LRRC4C: variants seen among roughly 807,000 people sequenced by gnomAD.
LRRC4C encodes the protein leucine rich repeat containing 4C.
In LRRC4C, 5 loss-of-function variants were observed where a neutral mutation model predicts 33.6. The observed-to-expected ratio is 0.15, with a 90% CI of 0.08 to 0.31. The LOEUF (loss-of-function observed/expected upper bound fraction) is 0.31. LRRC4C is among the 10% of genes least tolerant of loss of function. The pLI, the probability that LRRC4C is intolerant of heterozygous loss-of-function variation, is 1.00. For synonymous variants in LRRC4C, 329 were observed against 302.0 expected, an observed-to-expected ratio of 1.09 and a Z score of -0.93; for missense variants, 560 against 796.7, an observed-to-expected ratio of 0.70 and a Z score of 3.58.
At chr11:40,190,198 C>T (rs570399991) in intron 5 of LRRC4C, among the ~76,000 whole-genome samples, 3 of 152,240 alleles carry the variant, frequency 2.0e-5, no homozygotes, top group African/African-American at 4.8e-5. Flanking sequence ...AATCTAGAGG[C>T]GAGTGAATTT....
intron 3 of LRRC4C, among the ~76,000 whole-genome samples, chr11:40,615,265 T>TATATAC (rs1490740198): frequency 8.6e-4 from 46 of 53,440 alleles, no homozygotes; most frequent in African/African-American, 1.7e-3. Context: ...TATATATATA[T>TATATAC]ACACACACAC....
chr11:40,964,820 A>G (rs11036161), intron 1 of LRRC4C, among the ~76,000 whole-genome samples: 2 of 151,012 alleles, frequency 1.3e-5, no homozygotes, highest in African/African-American at 4.9e-5. Context: ...GAATAGTGCC[A>G]CAATAAACAT....
intron 1 of LRRC4C, among the ~76,000 whole-genome samples, chr11:41,302,592 GAAAC>G (rs10611885): frequency 0.025 from 3,828 of 152,164 alleles, 166 homozygotes; most frequent in African/African-American, 0.087. Flanking sequence ...ATTAAAGAAA[GAAAC>G]AAAAATAACA....
intron 5 of LRRC4C, among the ~76,000 whole-genome samples, chr11:40,204,405 T>C (rs557388914): frequency 7.9e-5 from 12 of 152,190 alleles, no homozygotes; most frequent in African/African-American, 2.6e-4. Flanking sequence ...CTTATAGCAT[T>C]TACTTTAGAA....
intron 3 of LRRC4C, among the ~76,000 whole-genome samples, chr11:40,398,599 G>A (rs1302566735): frequency 1.3e-5 from 2 of 151,930 alleles, no homozygotes; most frequent in African/African-American, 4.8e-5. Flanking sequence ...TGATTGTTTT[G>A]TTTTCCATAA....
chr11:41,364,796 T>C (rs1407272467), intron 1 of LRRC4C, among the ~76,000 whole-genome samples: 2 of 152,150 alleles, frequency 1.3e-5, no homozygotes, highest in Non-Finnish European at 2.9e-5. Context: ...TCACCTCAGT[T>C]TTTCCCACCT....
intron 1 of LRRC4C, among the ~76,000 whole-genome samples, chr11:41,296,478 C>T (rs1006478830): frequency 6.6e-6 from 1 of 151,986 alleles, no homozygotes; most frequent in African/African-American, 2.4e-5. Context: ...CCGTACCCAG[C>T]TAATTTTTGT....
intron 1 of LRRC4C, among the ~76,000 whole-genome samples, chr11:41,350,791 C>A (rs1487949741): frequency 1.3e-5 from 2 of 152,070 alleles, no homozygotes; most frequent in African/African-American, 4.8e-5. Flanking sequence ...AAGAGAGAAC[C>A]AAACTAATCT....
intron 2 of LRRC4C, among the ~76,000 whole-genome samples, chr11:40,929,082 T>C (rs987032122): frequency 1.3e-5 from 2 of 152,234 alleles, no homozygotes; most frequent in African/African-American, 4.8e-5. Flanking sequence ...GTTTCTCTTC[T>C]GAATTCTTCA....
At chr11:40,309,636 G>C (rs1233850689) in intron 4 of LRRC4C, among the ~76,000 whole-genome samples, 1 of 151,686 alleles carries the variant, frequency 6.6e-6, no homozygotes, top group Admixed American at 6.6e-5. Context: ...CTCCCAAGTA[G>C]CAGGGACTGA....
chr11:41,250,515 A>T (rs1948604981), intron 1 of LRRC4C, among the ~76,000 whole-genome samples: 1 of 152,186 alleles, frequency 6.6e-6, no homozygotes, highest in Non-Finnish European at 1.5e-5. Context: ...TGGCAAAATA[A>T]TTATGAAATA....
chr11:40,762,327 CATTCCTTTA>C (rs899400031), intron 2 of LRRC4C, among the ~76,000 whole-genome samples: 5 of 152,150 alleles, frequency 3.3e-5, no homozygotes, highest in African/African-American at 4.8e-5. Flanking sequence ...AAATGTGGGT[CATTCCTTTA>C]TTTCCATTAA....
At chr11:40,730,635 C>G (rs573827721) in intron 2 of LRRC4C, among the ~76,000 whole-genome samples, 2 of 152,280 alleles carry the variant, frequency 1.3e-5, no homozygotes, top group African/African-American at 4.8e-5. Flanking sequence ...GTCTCTTTCA[C>G]TTATCACAGA....
At chr11:41,448,731 T>A (rs1445666713) in intron 1 of LRRC4C, among the ~76,000 whole-genome samples, 1 of 152,242 alleles carries the variant, frequency 6.6e-6, no homozygotes, top group Admixed American at 6.5e-5. Context: ...TTCACAGTAT[T>A]TCTAAATATA....
chr11:41,367,972 T>A (rs902832440), intron 1 of LRRC4C, among the ~76,000 whole-genome samples: 3 of 152,144 alleles, frequency 2.0e-5, no homozygotes, highest in African/African-American at 7.2e-5. Flanking sequence ...CAAGAGCAAT[T>A]TTTTTGCCTT....
At chr11:40,926,872 T>G (rs914832765) in intron 2 of LRRC4C, among the ~76,000 whole-genome samples, 2 of 152,180 alleles carry the variant, frequency 1.3e-5, no homozygotes, top group African/African-American at 4.8e-5. Flanking sequence ...GCATAAACTA[T>G]GTAAATATAT....
chr11:40,281,700 CA>C (rs1943485913), intron 4 of LRRC4C, among the ~76,000 whole-genome samples: 3 of 152,220 alleles, frequency 2.0e-5, no homozygotes, highest in Admixed American at 6.5e-5. Context: ...TAATAACAAA[CA>C]AAAATGATCA....
chr11:41,206,959 T>C (rs1332918573), intron 1 of LRRC4C, among the ~76,000 whole-genome samples: 4 of 152,200 alleles, frequency 2.6e-5, no homozygotes, highest in African/African-American at 7.2e-5. Context: ...GTATATATGA[T>C]GCTATACACT....
chr11:40,538,751 G>A (rs1391559635), intron 3 of LRRC4C, among the ~76,000 whole-genome samples: 5 of 152,148 alleles, frequency 3.3e-5, no homozygotes, highest in African/African-American at 9.7e-5. Flanking sequence ...CTAGTTTACT[G>A]TTCTACCAAT....
Sources: allele counts gnomAD v4.1 joint callset (sites outside exome capture counted in the v4.1 genomes callset), GRCh38; gene constraint gnomAD v4.1.1; transcripts MANE v1.5; gene names NCBI Gene and HGNC (gene_info 2026-07-23, HGNC 2026-07-21).